The following ADARB2 variants were observed in gnomAD, a reference collection of about 807,000 sequenced individuals.
ADARB2 encodes the protein inactive double-stranded RNA-specific editase B2.
ADARB2 carries 25 observed loss-of-function variants against 62.2 expected under a neutral mutation model. The observed-to-expected ratio is 0.40, with a 90% CI of 0.29 to 0.56. The LOEUF (loss-of-function observed/expected upper bound fraction) is 0.56, where lower values mean the gene tolerates loss of function less well. Ranked by LOEUF, ADARB2 falls within the 20% of genes least tolerant of loss-of-function variation. The pLI, the probability that ADARB2 is intolerant of heterozygous loss-of-function variation, is 0.43. For synonymous variants in ADARB2, 572 were observed against 500.8 expected (o/e 1.14, Z -1.90); for missense variants, 1,071 against 1,077.4 (o/e 0.99, Z 0.08).
chr10:1,555,514 G>A (rs545892420), intron 1 of ADARB2, among the ~76,000 whole-genome samples: 1 of 152,354 alleles, frequency 6.6e-6, no homozygotes, highest in Non-Finnish European at 1.5e-5. Context: ...AGTGTGAGAA[G>A]TTTGACTGCA....
At chr10:1,725,678 GC>G (rs1835154776) in intron 1 of ADARB2, among the ~76,000 whole-genome samples, 1 of 152,220 alleles carries the variant, frequency 6.6e-6, no homozygotes, top group East Asian at 1.9e-4. Context: ...AGGACAGAAG[GC>G]CACGCTGCCG....
At chr10:1,340,694 C>A (rs1233863918) in intron 3 of ADARB2, among the ~76,000 whole-genome samples, 1 of 115,794 alleles carries the variant, frequency 8.6e-6, no homozygotes, top group African/African-American at 3.9e-5. Context: ...TGGCAATAAC[C>A]GGCATCCACC....
At chr10:1,698,471 G>T (rs1326711988) in intron 1 of ADARB2, among the ~76,000 whole-genome samples, 1 of 152,224 alleles carries the variant, frequency 6.6e-6, no homozygotes, top group African/African-American at 2.4e-5. Context: ...GACAGCTGAA[G>T]ATCCCCTTTC....
chr10:1,622,716 C>T (rs1448309988), intron 1 of ADARB2, among the ~76,000 whole-genome samples: 1 of 152,156 alleles, frequency 6.6e-6, no homozygotes, highest in African/African-American at 2.4e-5. Context: ...ATTCCTCATG[C>T]GTGGCTGCTC....
At chr10:1,700,030 C>T (rs375959479) in intron 1 of ADARB2, among the ~76,000 whole-genome samples, 1,672 of 11,072 alleles carry the variant, frequency 0.15, 81 homozygotes, top group Non-Finnish European at 0.29. Flanking sequence ...ACCAGGAGAC[C>T]GGGCACTCGC....
chr10:1,632,331 GCA>G (rs1341614475), intron 1 of ADARB2, among the ~76,000 whole-genome samples: 11 of 151,880 alleles, frequency 7.2e-5, no homozygotes, highest in African/African-American at 2.4e-4. Flanking sequence ...ATACTCACGT[GCA>G]CACACATGCA....
chr10:1,331,281 C>A (rs896947333), intron 3 of ADARB2, among the ~76,000 whole-genome samples: 1 of 152,216 alleles, frequency 6.6e-6, no homozygotes, highest in African/African-American at 2.4e-5. Context: ...AAACATATAT[C>A]TACATAAAAC....
intron 1 of ADARB2, among the ~76,000 whole-genome samples, chr10:1,382,277 A>T (rs1426959199): frequency 6.6e-6 from 1 of 152,212 alleles, no homozygotes; most frequent in African/African-American, 2.4e-5. Context: ...ATTTCATGGG[A>T]CAGCTTGAGC....
rs150043599 is a variant in ADARB2, at chr10:1,610,833, C to T, written c.100+126218G>A. On this transcript the variant is annotated intron_variant, in intron 1 of 9. Transcript: ENST00000381312. ...ACAGACACATACAGACACAGACATG[C>T]ACACACAAAGACTCGCAGACACACC... Among the ~76,000 whole-genome samples the T allele has an allele frequency of 5.8e-3, 864 of 149,940 alleles. 8 individuals are homozygous for T. Among genetic ancestry groups the T allele is most frequent in the African/African-American group, 0.019 (790 of 41,346 alleles).
intron 1 of ADARB2, among the ~76,000 whole-genome samples, chr10:1,530,270 C>G (rs891663604): frequency 8.5e-5 from 13 of 152,354 alleles, no homozygotes; most frequent in Non-Finnish European, 1.8e-4. Flanking sequence ...CTCCTGGCAC[C>G]CAGGTGAAGG....
chr10:1,703,227 G>A (rs757254792), intron 1 of ADARB2, among the ~76,000 whole-genome samples: 1 of 152,152 alleles, frequency 6.6e-6, no homozygotes, highest in Non-Finnish European at 1.5e-5. Flanking sequence ...TGGGTGGAGG[G>A]CATGGGCATA....
chr10:1,671,842 G>A (rs1427040358), intron 1 of ADARB2, among the ~76,000 whole-genome samples: 1 of 152,082 alleles, frequency 6.6e-6, no homozygotes, highest in Non-Finnish European at 1.5e-5. Flanking sequence ...AGGAAATCAG[G>A]AGTTAAGGAG....
chr10:1,232,604 T>C (rs1023306521), intron 6 of ADARB2, among the ~76,000 whole-genome samples: 2 of 150,266 alleles, frequency 1.3e-5, no homozygotes, highest in Non-Finnish European at 3.0e-5. Context: ...ATATGTGGTA[T>C]GTGTTTGTGG....
chr10:1,471,011 A>G (rs569477381), intron 1 of ADARB2, among the ~76,000 whole-genome samples: 3 of 152,284 alleles, frequency 2.0e-5, no homozygotes, highest in Admixed American at 1.3e-4. Context: ...GTGAGCCAAG[A>G]TGGCGCCACT....
chr10:1,590,616 C>A (rs1169971907), intron 1 of ADARB2, among the ~76,000 whole-genome samples: 4 of 152,152 alleles, frequency 2.6e-5, no homozygotes, highest in Admixed American at 2.0e-4. Context: ...CCGGAAAAAA[C>A]CATGTGCTTT....
chr10:1,672,955 G>C (rs928290553), intron 1 of ADARB2, among the ~76,000 whole-genome samples: 1 of 152,192 alleles, frequency 6.6e-6, no homozygotes, highest in Non-Finnish European at 1.5e-5. Context: ...GTTTCATCCA[G>C]GGCTTCTCAA....
intron 1 of ADARB2, among the ~76,000 whole-genome samples, chr10:1,734,378 TATC>T (rs1228248484): frequency 6.9e-6 from 1 of 144,890 alleles, no homozygotes; most frequent in Non-Finnish European, 1.5e-5. Flanking sequence ...CAGAAAAAAA[TATC>T]ATTTCCAAGA....
intron 1 of ADARB2, among the ~76,000 whole-genome samples, chr10:1,673,492 T>A (rs1439479589): frequency 6.6e-6 from 1 of 152,170 alleles, no homozygotes; most frequent in Non-Finnish European, 1.5e-5. Flanking sequence ...TAAGGATAAA[T>A]CTTGCAAAAT....
chr10:1,469,179 G>A (rs1332760623), intron 1 of ADARB2, among the ~76,000 whole-genome samples: 1 of 152,190 alleles, frequency 6.6e-6, no homozygotes, highest in Non-Finnish European at 1.5e-5. Flanking sequence ...CGTTGGACTG[G>A]GTTTAATGTG....
Sources: allele counts gnomAD v4.1 joint callset (sites outside exome capture counted in the v4.1 genomes callset), GRCh38; gene constraint gnomAD v4.1.1; transcripts MANE v1.5; gene names NCBI Gene and HGNC (gene_info 2026-07-23, HGNC 2026-07-21).